The following THSD4 variants were observed in gnomAD, a reference collection of about 807,000 sequenced individuals.
THSD4 encodes thrombospondin type 1 domain containing 4.
Under a neutral mutation model 119.0 loss-of-function variants are expected in THSD4, and 69 were observed. The observed-to-expected ratio is 0.58, with a 90% CI of 0.48 to 0.71. The LOEUF is 0.71. THSD4 is among the 30% of genes least tolerant of loss of function. The pLI, the probability that THSD4 is intolerant of heterozygous loss-of-function variation, is 0.00. For synonymous variants in THSD4, 524 were observed against 540.4 expected (o/e 0.97, Z 0.42); for missense variants, 1,393 against 1,391.1 (o/e 1.00, Z -0.02).
rs34097873 is a variant in THSD4, at chr15:71,434,434, CTTTTTTTTT to C, written c.1152+22631_1152+22639del. Among the ~76,000 whole-genome samples the C allele has an allele frequency of 4.4e-4, 36 of 82,586 alleles. 1 individual carries two copies. Among genetic ancestry groups the C allele is most frequent in the East Asian group, 2.8e-3 (7 of 2,470 alleles). The allele number at this position is 82,586 out of a possible 152,430, so 54.2% of individuals were successfully genotyped here. ...CAAAACAAAAAGAGGTCAGTGGTCC[CTTTTTTTTT>C]TTTTTTTTTTTTTTTTTTTAATTTC... On this transcript the variant is annotated intron_variant, in intron 7 of 17. Coordinates refer to ENST00000261862, the MANE Select transcript of THSD4 (RefSeq NM_024817.3).
intron 7 of THSD4, among the ~76,000 whole-genome samples, chr15:71,475,888 C>A (rs78655703): frequency 0.016 from 2,475 of 152,148 alleles, 43 homozygotes; most frequent in Non-Finnish European, 0.027. Flanking sequence ...GATCATGCCA[C>A]TGCAACTCTA....
intron 6 of THSD4, among the ~76,000 whole-genome samples, chr15:71,273,513 T>C (rs2044556853): frequency 6.6e-6 from 1 of 152,088 alleles, no homozygotes; most frequent in African/African-American, 2.4e-5. Context: ...TAATGTATAT[T>C]TCAAAGTTGC....
At chr15:71,705,716 C>T (rs2052380358) in intron 8 of THSD4, among the ~76,000 whole-genome samples, 1 of 152,140 alleles carries the variant, frequency 6.6e-6, no homozygotes. Context: ...TGCAGTCATT[C>T]AGTCATTCAA....
chr15:71,296,887 A>C (rs768573475), intron 6 of THSD4, among the ~76,000 whole-genome samples: 1 of 152,104 alleles, frequency 6.6e-6, no homozygotes, highest in Non-Finnish European at 1.5e-5. Context: ...TCATCTGCAA[A>C]ATGAGATTAA....
At chr15:71,477,770 G>A (rs1027993137) in intron 7 of THSD4, among the ~76,000 whole-genome samples, 3 of 152,054 alleles carry the variant, frequency 2.0e-5, no homozygotes, top group Admixed American at 6.6e-5. Context: ...CCCTCACACC[G>A]TCACTTTATT....
At chr15:71,401,822 A>G (rs2046537017) in intron 6 of THSD4, among the ~76,000 whole-genome samples, 1 of 152,230 alleles carries the variant, frequency 6.6e-6, no homozygotes, top group African/African-American at 2.4e-5. Flanking sequence ...TTGCAGTGCT[A>G]TTCACAATAG....
At chr15:71,299,541 A>G (rs114064032) in intron 6 of THSD4, among the ~76,000 whole-genome samples, 120 of 152,370 alleles carry the variant, frequency 7.9e-4, no homozygotes, top group African/African-American at 2.8e-3. Flanking sequence ...AGCAGAGAGT[A>G]GAATGGTGGC....
At chr15:71,428,399 A>G (rs1304485584) in intron 7 of THSD4, among the ~76,000 whole-genome samples, 2 of 152,164 alleles carry the variant, frequency 1.3e-5, no homozygotes, top group Non-Finnish European at 2.9e-5. Flanking sequence ...ATCAGCTCAT[A>G]TTATTCACCA....
chr15:71,241,224 G>C (rs1279690772), intron 4 of THSD4, among the ~76,000 whole-genome samples: 1 of 152,214 alleles, frequency 6.6e-6, no homozygotes, highest in Non-Finnish European at 1.5e-5. Flanking sequence ...TATAATTTTA[G>C]AGTTGGAGCG....
At chr15:71,285,685 C>T (rs2044706994) in intron 6 of THSD4, among the ~76,000 whole-genome samples, 1 of 151,894 alleles carries the variant, frequency 6.6e-6, no homozygotes, top group Non-Finnish European at 1.5e-5. Flanking sequence ...AAAACCCTGT[C>T]TCTACTAAAA....
At chr15:71,380,548 G>A (rs1212180106) in intron 6 of THSD4, among the ~76,000 whole-genome samples, 1 of 152,048 alleles carries the variant, frequency 6.6e-6, no homozygotes, top group African/African-American at 2.4e-5. Flanking sequence ...AAAGACCAAA[G>A]TACACTCCTT....
At chr15:71,231,166 A>T (rs1397975225) in intron 4 of THSD4, among the ~76,000 whole-genome samples, 1 of 152,226 alleles carries the variant, frequency 6.6e-6, no homozygotes, top group East Asian at 1.9e-4. Context: ...TTCTTAGGGA[A>T]ACTTGGCTGA....
In THSD4 at chr15:71,459,160, C is replaced by CTTTTTTTTTTTTTTTTTTTTTTTTT. The variant is rs372209662; in HGVS notation, c.1152+47355_1152+47356insTTTTTTTTTTTTTTTTTTTTTTTTT. Among the ~76,000 whole-genome samples, 6 of 128,882 alleles carry CTTTTTTTTTTTTTTTTTTTTTTTTT rather than the reference C, an allele frequency of 4.7e-5. No individual in the cohort carries two copies. The South Asian group carries it at 8.2e-4, about 18-fold the overall frequency. The allele number at this position is 128,882 out of a possible 152,430, so 84.6% of individuals were successfully genotyped here. On this transcript the variant is annotated intron_variant, in intron 7 of 17. Coordinates refer to ENST00000261862, the MANE Select transcript of THSD4 (RefSeq NM_024817.3). Reference sequence around the variant, plus strand: ...CTTTTCTTTTTCATTTTCTTTTTTTCTTTTTTTTTTTTTTTTTTGACAGAG... The same window carrying CTTTTTTTTTTTTTTTTTTTTTTTTT: ...CTTTTCTTTTTCATTTTCTTTTTTTCTTTTTTTTTTTTTTTTTTTTTTTTTTTTTTTTTTTTTTTTTTTGACAGAG...
intron 7 of THSD4, among the ~76,000 whole-genome samples, chr15:71,490,333 G>A (rs540785816): frequency 2.0e-5 from 3 of 152,216 alleles, no homozygotes; most frequent in Non-Finnish European, 4.4e-5. Context: ...CGCCAAGGCA[G>A]GCAGATCACA....
At chr15:71,496,937 T>C (rs1483547965) in intron 7 of THSD4, among the ~76,000 whole-genome samples, 2 of 152,116 alleles carry the variant, frequency 1.3e-5, no homozygotes, top group Admixed American at 6.5e-5. Flanking sequence ...GCTGGAAGCT[T>C]TGGGCTCTGA....
At chr15:71,315,798 A>C (rs1200001497) in intron 6 of THSD4, among the ~76,000 whole-genome samples, 1 of 152,234 alleles carries the variant, frequency 6.6e-6, no homozygotes, top group Non-Finnish European at 1.5e-5. Context: ...CTTCAGTTTC[A>C]GGAGGTGGAG....
intron 7 of THSD4, among the ~76,000 whole-genome samples, chr15:71,435,203 G>A (rs1393480510): frequency 6.6e-6 from 1 of 151,880 alleles, no homozygotes. Context: ...TATCTCCAAG[G>A]GACTGGTTCT....
intron 3 of THSD4, among the ~76,000 whole-genome samples, chr15:71,188,244 C>CT (rs1171111370): frequency 6.6e-6 from 1 of 152,094 alleles, no homozygotes; most frequent in Non-Finnish European, 1.5e-5. Context: ...AATTCTAGGA[C>CT]TTGGCCTTGG....
intron 7 of THSD4, among the ~76,000 whole-genome samples, chr15:71,593,718 G>A (rs939801946): frequency 6.6e-6 from 1 of 151,920 alleles, no homozygotes; most frequent in Admixed American, 6.6e-5. Context: ...TGGGCAACAT[G>A]GCAAAACCCT....
Sources: gnomAD v4.1 joint callset for allele counts (sites outside exome capture counted in the v4.1 genomes callset) on GRCh38, gnomAD v4.1.1 for gene constraint, MANE v1.5 for transcripts, NCBI Gene and HGNC (gene_info 2026-07-23, HGNC 2026-07-21) for gene names.